N4BP2: variants seen among roughly 807,000 people sequenced by gnomAD.
The protein encoded by N4BP2 is NEDD4 binding protein 2, also known as NEDD4-binding protein 2.
A neutral mutation model predicts 152.8 loss-of-function variants in N4BP2; 91 were observed. That is an observed-to-expected ratio of 0.60 (90% CI 0.50 to 0.71). N4BP2 has a LOEUF of 0.71. Among genes scored for constraint, N4BP2 ranks in the 30% least tolerant of loss-of-function variants. The pLI is 0.00. For synonymous variants in N4BP2, 646 were observed against 705.3 expected (o/e 0.92, Z 1.33); for missense variants, 1,923 against 2,059.1 (o/e 0.93, Z 1.28).
chr4:40,183,460 C>T, the N4BP2 span, among the ~76,000 whole-genome samples: 8 of 152,054 alleles, frequency 5.3e-5, no homozygotes, highest in South Asian at 1.7e-3. Flanking sequence ...CTCAGCCTCC[C>T]GAGTAGCTGG....
At chr4:40,182,877 A>C in the N4BP2 span, among the ~76,000 whole-genome samples, 2 of 152,002 alleles carry the variant, frequency 1.3e-5, no homozygotes, top group African/African-American at 4.8e-5. Flanking sequence ...GGGTTTCACC[A>C]TGTTGGCCAG....
intron 2 of N4BP2, among the ~76,000 whole-genome samples, chr4:40,074,127 A>G (rs911775144): frequency 4.2e-5 from 6 of 143,478 alleles, no homozygotes; most frequent in East Asian, 2.1e-4. Flanking sequence ...GTGTTGCTCT[A>G]TTGCTCAGGC....
chr4:40,107,765 A>C (rs1716461393), intron 5 of N4BP2, among the ~76,000 whole-genome samples: 2 of 152,138 alleles, frequency 1.3e-5, no homozygotes, highest in South Asian at 2.1e-4. Flanking sequence ...AGTTTATTTC[A>C]TAGGGTGGTT....
At chr4:40,177,336 C>A in the N4BP2 span, among the ~76,000 whole-genome samples, 1 of 152,144 alleles carries the variant, frequency 6.6e-6, no homozygotes, top group South Asian at 2.1e-4. Flanking sequence ...TCTTCCTGGG[C>A]CCGGCACGGT....
At chr4:40,133,941 G>T (rs907999786) in intron 13 of N4BP2, among the ~76,000 whole-genome samples, 2 of 152,082 alleles carry the variant, frequency 1.3e-5, no homozygotes, top group African/African-American at 4.8e-5. Flanking sequence ...AAGTAGCTGG[G>T]ACTATAGACA....
chr4:40,179,915 C>A, the N4BP2 span, among the ~76,000 whole-genome samples: 5 of 151,970 alleles, frequency 3.3e-5, no homozygotes, highest in Non-Finnish European at 7.4e-5. Context: ...CAGGCATGCG[C>A]CACCACGCCC....
At chr4:40,073,422 A>G (rs1335272908) in intron 1 of N4BP2, 33 bp from the exon 2 acceptor site, 12 of 152,106 alleles carry the variant, frequency 7.9e-5, no homozygotes, top group Non-Finnish European at 1.6e-4. Flanking sequence ...TTTGATGTGA[A>G]TTTGACTTTA....
the N4BP2 span, among the ~76,000 whole-genome samples, chr4:40,173,315 T>A: frequency 6.6e-6 from 1 of 152,280 alleles, no homozygotes; most frequent in South Asian, 2.1e-4. Context: ...AAGCACCCCA[T>A]GATCACAAAT....
intron 2 of N4BP2, among the ~76,000 whole-genome samples, chr4:40,074,710 T>C (rs893418593): frequency 7.2e-5 from 11 of 152,108 alleles, no homozygotes; most frequent in African/African-American, 2.2e-4. Context: ...TCTCTGCTTC[T>C]TAAAGGCCAG....
chr4:40,102,814 G>A lies in N4BP2; in HGVS notation c.969G>A (p.Gly323=). 6.2e-7 allele frequency: 1 copy of A among 1,614,084 alleles called. No homozygotes were observed. The highest frequency in any genetic ancestry group is 1.1e-5 in the South Asian group (1 of 91,078). ...CTGATGTGTTTCTACCTTCCGAAGG[G>A]TTCAACTTCAAGCCACACAAACATC... ...RVSDVFLPSE[G]FNFKPHKHPE... Residue 323 remains glycine (G), a synonymous_variant, in exon 4 of 18, where the codon GGG becomes GGA. Transcript: ENST00000261435.
rs114959768 is a variant in N4BP2, at chr4:40,150,081, A to C, written c.5144-2699A>C. Among the ~76,000 whole-genome samples the C allele has an allele frequency of 5.2e-3, 788 of 152,266 alleles. 7 individuals carry two copies. The highest frequency in any genetic ancestry group is 0.018 in the African/African-American group (743 of 41,542). ...CACCACCAGGTGGCAGTATTGTTGA[A>C]TAGAAATGAATCCAGTGGAAGATTT... On this transcript the variant is annotated intron_variant, in intron 16 of 17. Transcript: ENST00000261435.
intron 2 of N4BP2, among the ~76,000 whole-genome samples, chr4:40,076,711 A>G (rs181310749): frequency 2.6e-5 from 4 of 152,212 alleles, no homozygotes; most frequent in East Asian, 1.9e-4. Context: ...GATGGTCTCA[A>G]TCTCCTGACC....
At chr4:40,108,344 G>T (rs1716523620) in intron 5 of N4BP2, among the ~76,000 whole-genome samples, 1 of 151,636 alleles carries the variant, frequency 6.6e-6, no homozygotes, top group South Asian at 2.1e-4. Context: ...ACGAAGTCTT[G>T]CTTTGTTGCC....
chr4:40,123,460 G>C (rs1718120325), intron 10 of N4BP2, among the ~76,000 whole-genome samples: 1 of 151,956 alleles, frequency 6.6e-6, no homozygotes, highest in South Asian at 2.1e-4. Flanking sequence ...TAGCGATGGA[G>C]CTCATTGTAA....
At chr4:40,142,584 C>A in intron 14 of N4BP2, 89 bp from the exon 15 acceptor site, 2 of 816,482 alleles carry the variant, frequency 2.4e-6, no homozygotes, top group South Asian at 1.9e-5. Flanking sequence ...TACGACAGCC[C>A]AGTTTTCATG....
the N4BP2 span, among the ~76,000 whole-genome samples, chr4:40,165,950 G>C: frequency 6.6e-6 from 1 of 152,174 alleles, no homozygotes; most frequent in South Asian, 2.1e-4. Context: ...CTCTACCACT[G>C]CTGGGCCTTA....
the N4BP2 span, among the ~76,000 whole-genome samples, chr4:40,173,139 G>A: frequency 3.9e-5 from 6 of 151,954 alleles, no homozygotes; most frequent in African/African-American, 1.2e-4. Context: ...CATCTCTTGC[G>A]CATCAGGCCA....
At chr4:40,125,292 G>T (rs1718288805) in intron 11 of N4BP2, among the ~76,000 whole-genome samples, 1 of 152,224 alleles carries the variant, frequency 6.6e-6, no homozygotes, top group South Asian at 2.1e-4. Flanking sequence ...ACTCCTCTGA[G>T]AAGTTGAAAT....
chr4:40,080,909 G>A (rs959831093), intron 2 of N4BP2, among the ~76,000 whole-genome samples: 1 of 149,544 alleles, frequency 6.7e-6, no homozygotes, highest in Non-Finnish European at 1.5e-5. Flanking sequence ...CTCGTGATCC[G>A]CCCACCTCAG....
Sources: gnomAD v4.1 joint callset for allele counts (sites outside exome capture counted in the v4.1 genomes callset) on GRCh38, gnomAD v4.1.1 for gene constraint, MANE v1.5 for transcripts, NCBI Gene and HGNC (gene_info 2026-07-23, HGNC 2026-07-21) for gene names.